S100A10: variants seen among roughly 807,000 people sequenced by gnomAD.
S100A10 encodes the protein protein S100-A10.
S100A10 carries 3 observed loss-of-function variants against 7.1 expected under a neutral mutation model. The observed-to-expected ratio is 0.42, with a 90% confidence interval of 0.19 to 1.10. S100A10 has a LOEUF of 1.10. S100A10 is among the 50% of genes least tolerant of loss of function. The pLI, the probability that S100A10 is intolerant of heterozygous loss-of-function variation, is 0.29. For missense variants in S100A10, 101 were observed against 118.1 expected (o/e 0.86, Z 0.67); for synonymous variants, 41 against 39.3 (o/e 1.04, Z -0.16).
In S100A10 at chr1:151,990,169, G is replaced by T. The variant is rs191994645; in HGVS notation, c.-22+3583C>A. Among the ~76,000 whole-genome samples the T allele has an allele frequency of 2.8e-3, 419 of 152,308 alleles. 15 individuals are homozygous for T. Among genetic ancestry groups the T allele is most frequent in the Admixed American group, 0.023 (350 of 15,302 alleles). ...AGCTCAGGAGGACGATGTGAGAGCT[G>T]GGAAGGGCCAGGAAAGGGGCCCCAA... On this transcript the variant is annotated intron_variant, in intron 1 of 2. Coordinates refer to ENST00000368811, the MANE Select transcript of S100A10 (RefSeq NM_002966.3).
intron 1 of S100A10, among the ~76,000 whole-genome samples, chr1:151,986,659 A>C (rs983601237): frequency 1.3e-5 from 2 of 152,234 alleles, no homozygotes; most frequent in African/African-American, 4.8e-5. Context: ...TTCAGTGTTT[A>C]AGATTCCACA....
rs147096731 is a variant in S100A10, at chr1:151,987,111, A to G, written c.-21-860T>C. Among the ~76,000 whole-genome samples, 218 of 124,768 alleles carry G rather than the reference A, an allele frequency of 1.7e-3. 1 individual carries two copies. The highest frequency in any genetic ancestry group is 6.3e-3 in the African/African-American group (205 of 32,312). The allele number at this position is 124,768 out of a possible 152,430, so 81.9% of individuals were successfully genotyped here. ...GAGTGCAGTGTTGTGATCTTGGCTC[A>G]CTGCAACCTCCGCCTCCCAGGTAGC... On this transcript the variant is annotated intron_variant, in intron 1 of 2. Transcript: ENST00000368811.
Position 151,993,330 on chromosome 1 carries a change from C to G in S100A10, c.-22+422G>C, listed in dbSNP as rs193100453. On this transcript the variant is annotated intron_variant, in intron 1 of 2. Coordinates refer to ENST00000368811, the MANE Select transcript of S100A10 (RefSeq NM_002966.3). The surrounding 1 kb of genome is among the most constrained non-coding windows in gnomAD (Gnocchi z 5.1). ...GGAGCAGGCTACGAACATGCAGACCCGGCCTGCGAGCGGAACCCACCAAGA... is the reference window on the plus strand; with the variant it reads ...GGAGCAGGCTACGAACATGCAGACCGGGCCTGCGAGCGGAACCCACCAAGA... Among the ~76,000 whole-genome samples, 477 of 152,248 alleles carry G rather than the reference C, an allele frequency of 3.1e-3. 4 individuals carry two copies. Among genetic ancestry groups the G allele is most frequent in the Middle Eastern group, 0.014 (4 of 294 alleles).
intron 1 of S100A10, among the ~76,000 whole-genome samples, chr1:151,990,590 G>A (rs1473244699): frequency 6.6e-6 from 1 of 152,138 alleles, no homozygotes; most frequent in East Asian, 1.9e-4. Flanking sequence ...GTTACCTTAG[G>A]AGGAATTCAA....
rs1655949631 is a variant in S100A10 at position 151,993,381 on chromosome 1, G to T, written c.-22+371C>A. ...AACACGCCAGCCAGGGCAGGGGCGT[G>T]TAGGAGGGATTCGGTAACCCGAGAG... On this transcript the variant is annotated intron_variant, in intron 1 of 2. Transcript: ENST00000368811. This position sits in a 1 kb window ranked among gnomAD's most constrained non-coding sequence, Gnocchi z 5.1. 6.6e-6 allele frequency among the ~76,000 whole-genome samples: 1 copy of T among 152,198 alleles called. No individual in the cohort carries two copies. Among genetic ancestry groups the T allele is most frequent in the African/African-American group, 2.4e-5 (1 of 41,462 alleles).
chr1:151,983,087 G>A lies in S100A10; in HGVS notation c.*76C>T. 1 of 1,015,104 alleles carries A rather than the reference G, an allele frequency of 9.9e-7. No homozygotes were observed. The highest frequency in any genetic ancestry group is 2.7e-5 in the East Asian group (1 of 37,588). The allele number at this position is 1,015,104 out of a possible 1,614,324, so 62.9% of individuals were successfully genotyped here. ...CTGCTCATGAAATCCTTCTATGGGGGAAGCTGTGGGGCAGATTCCTTAAGC... is the reference window on the plus strand; with the variant it reads ...CTGCTCATGAAATCCTTCTATGGGGAAAGCTGTGGGGCAGATTCCTTAAGC... On this transcript the variant is annotated 3_prime_UTR_variant, in exon 3 of 3. Coordinates refer to ENST00000368811, the MANE Select transcript of S100A10 (RefSeq NM_002966.3).
chr1:151,984,326 C>T (rs1171242943), intron 2 of S100A10: 2 of 152,120 alleles, frequency 1.3e-5, no homozygotes, highest in African/African-American at 2.4e-5. Flanking sequence ...AGTATAGCAG[C>T]AGCATTTCCC....
rs907634580 is a variant in S100A10, at chr1:151,993,624, C to T, written c.-22+128G>A. 1 of 152,472 alleles carries T rather than the reference C, an allele frequency of 6.6e-6. No individual in the cohort carries two copies. The highest frequency in any genetic ancestry group is 1.9e-4 in the East Asian group (1 of 5,168). The allele number at this position is 152,472 out of a possible 1,614,324, so 9.4% of individuals were successfully genotyped here. The stretch of plus-strand genomic sequence containing the variant: ...GAGCACTGAGCAGCGGATTCCCCAC[C>T]AGCCGCTCCCCGCCCAGCCCCGCGG... On this transcript the variant is annotated intron_variant, in intron 1 of 2. Transcript: ENST00000368811. The surrounding 1 kb of genome is among the most constrained non-coding windows in gnomAD (Gnocchi z 5.1).
At chr1:151,988,046 T>C (rs2101769678) in intron 1 of S100A10, among the ~76,000 whole-genome samples, 1 of 152,328 alleles carries the variant, frequency 6.6e-6, no homozygotes, top group South Asian at 2.1e-4. Flanking sequence ...TCTCACAGTC[T>C]GGGGTACAGT....
At chr1:151,984,500 G>A (rs1655752278) in intron 2 of S100A10, among the ~76,000 whole-genome samples, 1 of 152,156 alleles carries the variant, frequency 6.6e-6, no homozygotes, top group Non-Finnish European at 1.5e-5. Context: ...CTCTGTTAAT[G>A]CAGTGAGTCT....
rs544317497 is a variant in S100A10, at chr1:151,993,395, G to T, written c.-22+357C>A. On this transcript the variant is annotated intron_variant, in intron 1 of 2. Coordinates refer to ENST00000368811, the MANE Select transcript of S100A10 (RefSeq NM_002966.3). This position sits in a 1 kb window ranked among gnomAD's most constrained non-coding sequence, Gnocchi z 5.1. ...GGCAGGGGCGTGTAGGAGGGATTCG[G>T]TAACCCGAGAGACGAGTGGGAAAGT... Among the ~76,000 whole-genome samples, 211 of 152,288 alleles carry T rather than the reference G, an allele frequency of 1.4e-3. No homozygotes were observed. Among genetic ancestry groups the T allele is most frequent in the African/African-American group, 5.0e-3 (208 of 41,564 alleles).
chr1:151,988,368 T>C (rs1655840348), intron 1 of S100A10, among the ~76,000 whole-genome samples: 1 of 152,248 alleles, frequency 6.6e-6, no homozygotes, highest in Non-Finnish European at 1.5e-5. Context: ...ATTGAAGGGC[T>C]GGCAAATTCC....
chr1:151,988,361 G>T (rs1296184141), intron 1 of S100A10, among the ~76,000 whole-genome samples: 1 of 152,202 alleles, frequency 6.6e-6, no homozygotes, highest in Non-Finnish European at 1.5e-5. Flanking sequence ...AGCTTAGATT[G>T]AAGGGCTGGC....
rs1655725891 is a variant in S100A10 at position 151,982,966 on chromosome 1, T to C, written c.*197A>G. On this transcript the variant is annotated 3_prime_UTR_variant, in exon 3 of 3. Transcript: ENST00000368811. ...ATTGAGGGCAAGGGGATGCAAACAATACAAAAATCAAAAGCTTATCTGGTA... is the reference window on the plus strand; with the variant it reads ...ATTGAGGGCAAGGGGATGCAAACAACACAAAAATCAAAAGCTTATCTGGTA... 1 of 430,194 alleles carries C rather than the reference T, an allele frequency of 2.3e-6. No individual in the cohort carries two copies. The allele number at this position is 430,194 out of a possible 1,614,324, so 26.6% of individuals were successfully genotyped here.
rs535796065 is a variant in S100A10, at chr1:151,985,924, A to G, written c.132+175T>C. Among the ~76,000 whole-genome samples the G allele has an allele frequency of 2.6e-3, 390 of 152,268 alleles. 2 individuals are homozygous for G. Among genetic ancestry groups the G allele is most frequent in the African/African-American group, 9.1e-3 (380 of 41,542 alleles). On this transcript the variant is annotated intron_variant, in intron 2 of 2. Coordinates refer to ENST00000368811, the MANE Select transcript of S100A10 (RefSeq NM_002966.3). ...ATCTTACAAATAGCAGGTACTCAAT[A>G]CTATTTAATAAATGAATGAATGAGG...
intron 1 of S100A10, among the ~76,000 whole-genome samples, chr1:151,988,703 C>T (rs1022645770): frequency 6.6e-6 from 1 of 152,194 alleles, no homozygotes; most frequent in African/African-American, 2.4e-5. Flanking sequence ...GGGAACCACA[C>T]CCTTTTCCTT....
chr1:151,986,068 T>A (rs575535225), intron 2 of S100A10, 31 bp downstream of exon 2: 4 of 1,562,492 alleles, frequency 2.6e-6, no homozygotes, highest in East Asian at 4.7e-5. Flanking sequence ...GACTTTTATG[T>A]CTGGTTCTTT....
At chr1:151,987,534 T>C (rs915812847) in intron 1 of S100A10, among the ~76,000 whole-genome samples, 1 of 137,608 alleles carries the variant, frequency 7.3e-6, no homozygotes, top group Non-Finnish European at 1.5e-5. Context: ...GGTATATATG[T>C]ATTCTTTTTT....
rs1655727106 is a variant in S100A10, at chr1:151,983,043, A to T, written c.*120T>A. 2 of 580,766 alleles carry T rather than the reference A, an allele frequency of 3.4e-6. No individual in the cohort carries two copies. The highest frequency in any genetic ancestry group is 3.1e-5 in the Admixed American group (1 of 32,652). The allele number at this position is 580,766 out of a possible 1,614,324, so 36.0% of individuals were successfully genotyped here. ...AATGAGAGTTAGATTTTATTTTTAC[A>T]TTTGCTAAGTGTCCTGATCTGCTCA... On this transcript the variant is annotated 3_prime_UTR_variant, in exon 3 of 3. Coordinates refer to ENST00000368811, the MANE Select transcript of S100A10 (RefSeq NM_002966.3).
Sources: gnomAD v4.1 joint callset for allele counts (sites outside exome capture counted in the v4.1 genomes callset) on GRCh38, gnomAD v4.1.1 for gene constraint, Gnocchi (gnomAD v3.1) non-coding constraint, MANE v1.5 for transcripts, NCBI Gene and HGNC (gene_info 2026-07-23, HGNC 2026-07-21) for gene names.